ANXA5: variants seen among roughly 807,000 people sequenced by gnomAD.
ANXA5 encodes annexin A5.
A neutral mutation model predicts 48.1 loss-of-function variants in ANXA5; 40 were observed. That is an observed-to-expected ratio of 0.83 (90% CI 0.65 to 1.08). The LOEUF is 1.08. Among genes scored for constraint, ANXA5 ranks in the 50% least tolerant of loss-of-function variants. The probability of loss-of-function intolerance (pLI) is 0.00; values close to 1 mark genes in which losing one functional copy is unlikely to be tolerated. For synonymous variants in ANXA5, 113 were observed against 129.1 expected (o/e 0.88, Z 0.85); for missense variants, 357 against 376.8 (o/e 0.95, Z 0.44).
chr4:121,692,618 A>C (rs981884153), intron 2 of ANXA5, among the ~76,000 whole-genome samples: 1 of 152,028 alleles, frequency 6.6e-6, no homozygotes, highest in African/African-American at 2.4e-5. Context: ...ATCATGCCAA[A>C]CTCTTTTACA....
In ANXA5 at chr4:121,684,724, C is replaced by T. The variant is rs774223040; in HGVS notation, c.142G>A (p.Ala48Thr). ...ILTLLTSRSN[A>T]QRQEISAAFK... ...GCTGCAGAGATTTCCTGGCGCTGAG[C>T]ATTACTTCGGGATGTCAACAGAGTC... The change falls in exon 4 of 13, where the codon GCT becomes ACT. Residue 48 changes from alanine to threonine, a missense_variant. By Grantham distance (58) the Ala-to-Thr change is moderately conservative. Coordinates refer to ENST00000296511, the MANE Select transcript of ANXA5 (RefSeq NM_001154.4). 6.2e-7 allele frequency: 1 copy of T among 1,613,998 alleles called. No individual in the cohort carries two copies. Among genetic ancestry groups the T allele is most frequent in the Admixed American group, 1.7e-5 (1 of 60,012 alleles).
At chr4:121,670,036 G>C (rs1291869146) in intron 10 of ANXA5, 24 bp from the exon 11 acceptor site, 3 of 1,524,392 alleles carry the variant, frequency 2.0e-6, no homozygotes, top group African/African-American at 1.4e-5. Flanking sequence ...CAATACAATG[G>C]TCAAATGCTA....
intron 2 of ANXA5, among the ~76,000 whole-genome samples, chr4:121,693,706 A>G (rs1725025632): frequency 6.6e-6 from 1 of 152,206 alleles, no homozygotes; most frequent in Admixed American, 6.5e-5. Context: ...CAGCAGCCAA[A>G]ATGAACTTAA....
chr4:121,677,966 T>C lies in ANXA5; in HGVS notation c.475-16A>G. ...CTCTGTTAGCCTATGAGAGGTAATA[T>C]GTCACATTACTGAACTATAGAGCAT... On this transcript the variant is annotated splice_polypyrimidine_tract_variant and intron_variant, in intron 7 of 12. Transcript: ENST00000296511. 1.2e-6 allele frequency: 2 copies of C among 1,609,888 alleles called. No homozygotes were observed. Among genetic ancestry groups the C allele is most frequent in the Non-Finnish European group, 8.5e-7 (1 of 1,176,328 alleles).
intron 8 of ANXA5, among the ~76,000 whole-genome samples, chr4:121,673,204 A>G (rs1210979996): frequency 1.3e-5 from 2 of 152,246 alleles, no homozygotes; most frequent in African/African-American, 4.8e-5. Context: ...GAAGCACTCA[A>G]TAAGTAGTGG....
rs199713216 is a variant in ANXA5, at chr4:121,669,688, T to A, written c.817A>T (p.Met273Leu). The A allele has an allele frequency of 6.2e-7, 1 of 1,610,672 alleles. No individual in the cohort carries two copies. Among genetic ancestry groups the A allele is most frequent in the Non-Finnish European group, 8.5e-7 (1 of 1,179,354 alleles). Reference sequence around the variant, plus strand: ...AGATCAATCTCACTCCTGGAAACCATGACTCTGATGAGGGTATGATCATCT... The same window carrying A: ...AGATCAATCTCACTCCTGGAAACCAAGACTCTGATGAGGGTATGATCATCT... ...GTDDHTLIRV[M>L]VSRSEIDLFN... The change falls in exon 12 of 13, where the codon ATG (methionine) becomes TTG (leucine). Residue 273 changes from methionine to leucine, a missense_variant. Transcript: ENST00000296511.
Position 121,694,504 on chromosome 4 carries a change from C to T in ANXA5, c.9+2077G>A, listed in dbSNP as rs192360137. ...GGTTCAAGTGATTCTCCTGCCTCAG[C>T]CTCCCGAGTAGCTGGGATTACAGTT... On this transcript the variant is annotated intron_variant, in intron 2 of 12. Transcript: ENST00000296511. 7.6e-3 allele frequency among the ~76,000 whole-genome samples: 1,147 copies of T among 151,898 alleles called. 14 individuals carry two copies. Among genetic ancestry groups the T allele is most frequent in the African/African-American group, 0.027 (1,097 of 41,348 alleles).
At chr4:121,685,244 G>A (rs1724865883) in intron 3 of ANXA5, among the ~76,000 whole-genome samples, 1 of 151,972 alleles carries the variant, frequency 6.6e-6, no homozygotes. Context: ...AAAACTTAGG[G>A]CACCTAGTTT....
At chr4:121,682,996 T>A (rs1724817938) in intron 5 of ANXA5, among the ~76,000 whole-genome samples, 1 of 152,164 alleles carries the variant, frequency 6.6e-6, no homozygotes, top group African/African-American at 2.4e-5. Flanking sequence ...CCTAAAATGA[T>A]GAGCAATATT....
At chr4:121,694,979 G>C (rs11932858) in intron 2 of ANXA5, among the ~76,000 whole-genome samples, 7,580 of 152,054 alleles carry the variant, frequency 0.05, 366 homozygotes, top group Non-Finnish European at 0.064. Context: ...AAATATGTTC[G>C]CTTATACTAT....
At position 121,696,572 on chromosome 4, in the gene ANXA5, C is replaced by A. The variant is rs1226735120; in HGVS notation, c.9+9G>T. 1 of 1,403,240 alleles carries A rather than the reference C, an allele frequency of 7.1e-7. No individual in the cohort carries two copies. The highest frequency in any genetic ancestry group is 9.4e-7 in the Non-Finnish European group (1 of 1,067,304). The allele number at this position is 1,403,240 out of a possible 1,614,324, so 86.9% of individuals were successfully genotyped here. On this transcript the variant is annotated intron_variant, in intron 2 of 12. Coordinates refer to ENST00000296511, the MANE Select transcript of ANXA5 (RefSeq NM_001154.4). ...TAAATCCAGCGCAGTGGGGGGCGCA[C>A]GGCCTTACCTGTGCCATGGCGACTA... is the stretch of plus-strand genomic sequence containing the variant.
At chr4:121,696,513 A>G (rs1047406851) in intron 2 of ANXA5, 68 bp downstream of exon 2, 12 of 1,307,138 alleles carry the variant, frequency 9.2e-6, no homozygotes, top group African/African-American at 1.5e-5. Context: ...GACAAATCCT[A>G]AAAGTCCCTC....
rs1310283487 is a variant in ANXA5, at chr4:121,683,415, C to G, written c.252G>C (p.Leu84=). ...CATCATAAAGCCGAGAGGGTTTCAT[C>G]AGAGCCACAATTAATTTTTCAAATT... ...TGKFEKLIVA[L]MKPSRLYDAY... Residue 84 remains leucine, a synonymous_variant, in exon 5 of 13, where the codon CTG becomes CTC. Coordinates refer to ENST00000296511, the MANE Select transcript of ANXA5 (RefSeq NM_001154.4). 6.2e-7 allele frequency: 1 copy of G among 1,611,362 alleles called. No individual in the cohort carries two copies. Among genetic ancestry groups the G allele is most frequent in the Admixed American group, 1.7e-5 (1 of 59,784 alleles).
At position 121,683,364 on chromosome 4, in the gene ANXA5, C is replaced by G; in HGVS notation, c.303G>C (p.Lys101Asn). 1 of 1,575,064 alleles carries G rather than the reference C, an allele frequency of 6.3e-7. No individual in the cohort carries two copies. The highest frequency in any genetic ancestry group is 1.1e-5 in the South Asian group (1 of 87,396). The change falls in exon 5 of 13, where the codon AAG becomes AAC. Residue 101 changes from lysine to asparagine, a missense_variant and splice_region_variant. Transcript: ENST00000296511. Reference protein sequence around the residue: ...YDAYELKHALKGAGTNEKVLT... With the variant: ...YDAYELKHALNGAGTNEKVLT... ...TGTTCCTTTCACTCATCCTTTTTAC[C>G]TTCAAGGCATGTTTCAGTTCATAAG...
chr4:121,674,873 C>T (rs546792565), intron 8 of ANXA5, among the ~76,000 whole-genome samples: 1 of 152,208 alleles, frequency 6.6e-6, no homozygotes, highest in East Asian at 1.9e-4. Flanking sequence ...TTTCATAAGC[C>T]CTGGTTCAGT....
rs202083195 is a variant in ANXA5, at chr4:121,678,469, G to C, written c.420C>G (p.Asp140Glu). The change falls in exon 7 of 13, where the codon GAC becomes GAG. Residue 140 changes from aspartate (D) to glutamate (E), a missense_variant. Asp to Glu is a conservative substitution (Grantham distance 45). Transcript: ENST00000296511. ...EEEYGSSLED[D>E]VVGDTSGYYQ... ...AGTACCCTGAAGTGTCCCCCACCAC[G>C]TCATCTTCCAGGCTTGAGCCATATT... 6.2e-7 allele frequency: 1 copy of C among 1,613,586 alleles called. No individual in the cohort carries two copies. Among genetic ancestry groups the C allele is most frequent in the South Asian group, 1.1e-5 (1 of 91,004 alleles).
chr4:121,677,361 G>A (rs1473348227), intron 8 of ANXA5, among the ~76,000 whole-genome samples: 1 of 151,906 alleles, frequency 6.6e-6, no homozygotes, highest in Non-Finnish European at 1.5e-5. Flanking sequence ...ACTTTATAGG[G>A]GTTTATAAGT....
Position 121,696,590 on chromosome 4 carries a change from G to A in ANXA5, c.-1C>T, listed in dbSNP as rs1131239. The A allele has an allele frequency of 0.13, 179,910 of 1,424,404 alleles. 12,851 individuals carry two copies. The highest frequency in any genetic ancestry group is 0.28 in the African/African-American group (19,068 of 68,052). 88.2% of individuals were successfully genotyped at this position (1,424,404 alleles called of 1,614,324 possible). A position where few individuals can be genotyped will look rare whatever the true frequency, so the allele number is the denominator to read the frequency against. On this transcript the variant is annotated 5_prime_UTR_variant, in exon 2 of 13. Coordinates refer to ENST00000296511, the MANE Select transcript of ANXA5 (RefSeq NM_001154.4). The stretch of plus-strand genomic sequence containing the variant: ...GGGCGCACGGCCTTACCTGTGCCAT[G>A]GCGACTACTCAGGTCAGGGGAAGGT...
At chr4:121,686,506 C>G (rs1449530594) in intron 2 of ANXA5, 134 bp from the exon 3 acceptor site, 1 of 685,292 alleles carries the variant, frequency 1.5e-6, no homozygotes, top group South Asian at 1.8e-5. Context: ...GATTTGTGAC[C>G]CCTTTTGAAC....
Sources: gnomAD v4.1 joint callset for allele counts (sites outside exome capture counted in the v4.1 genomes callset) on GRCh38, gnomAD v4.1.1 for gene constraint, MANE v1.5 for transcripts, NCBI Gene and HGNC (gene_info 2026-07-23, HGNC 2026-07-21) for gene names.